CAMK4: variants seen among roughly 807,000 people sequenced by gnomAD.
CAMK4 encodes calcium/calmodulin-dependent protein kinase type IV.
CAMK4 carries 22 observed loss-of-function variants against 44.9 expected under a neutral mutation model. The ratio of observed to expected loss-of-function variants is 0.49; its 90% CI spans 0.35 to 0.70. The LOEUF is 0.70. Ranked by LOEUF, CAMK4 falls within the 30% of genes least tolerant of loss-of-function variation. The pLI is 0.01. For missense variants in CAMK4, 498 were observed against 586.8 expected (o/e 0.85, Z 1.56); for synonymous variants, 218 against 215.4 (o/e 1.01, Z -0.11).
At chr5:111,330,845 C>T (rs1294837081) in intron 1 of CAMK4, among the ~76,000 whole-genome samples, 1 of 151,668 alleles carries the variant, frequency 6.6e-6, no homozygotes, top group Non-Finnish European at 1.5e-5. Flanking sequence ...TGATTTTTGG[C>T]AAAAGTACTG....
chr5:111,252,162 G>A (rs997178423), intron 1 of CAMK4, among the ~76,000 whole-genome samples: 3 of 152,126 alleles, frequency 2.0e-5, no homozygotes, highest in Non-Finnish European at 4.4e-5. Context: ...TAAGTCTGTC[G>A]TCATACACTT....
At position 111,487,873 on chromosome 5, in the gene CAMK4, A is replaced by G. The variant is rs1350917560; in HGVS notation, c.*3407A>G. The G allele has an allele frequency of 6.6e-6, 1 of 152,190 alleles. No individual in the cohort carries two copies. The highest frequency in any genetic ancestry group is 2.4e-5 in the African/African-American group (1 of 41,448). 9.4% of individuals were successfully genotyped at this position (152,190 alleles called of 1,614,324 possible). On this transcript the variant is annotated 3_prime_UTR_variant, in exon 11 of 11. Transcript: ENST00000282356. ...AGGCCACAAAGAAAGTGTTTCAGAAATGTTACACACTGAGTAAAAGCTTAT... is the reference window on the plus strand; with the variant it reads ...AGGCCACAAAGAAAGTGTTTCAGAAGTGTTACACACTGAGTAAAAGCTTAT...
chr5:111,466,226 A>C (rs1754821987), intron 7 of CAMK4, among the ~76,000 whole-genome samples: 1 of 152,198 alleles, frequency 6.6e-6, no homozygotes, highest in South Asian at 2.1e-4. Context: ...ATCTATGACA[A>C]ACCCAAAGCT....
intron 1 of CAMK4, among the ~76,000 whole-genome samples, chr5:111,337,731 G>A (rs13355725): frequency 0.13 from 19,194 of 151,084 alleles, 2,262 homozygotes; most frequent in African/African-American, 0.3. Flanking sequence ...ATTGGCACTA[G>A]TAAGGTTCTG....
intron 1 of CAMK4, among the ~76,000 whole-genome samples, chr5:111,276,618 C>G (rs1050796698): frequency 6.6e-6 from 1 of 151,980 alleles, no homozygotes; most frequent in Non-Finnish European, 1.5e-5. Flanking sequence ...TTTATACTTT[C>G]TTGTTCACTT....
intron 2 of CAMK4, among the ~76,000 whole-genome samples, chr5:111,361,997 C>G (rs2112797509): frequency 6.6e-6 from 1 of 152,142 alleles, no homozygotes; most frequent in Admixed American, 6.6e-5. Flanking sequence ...AGTGCCTTCT[C>G]TGTTAAGAAT....
rs995769179 is a variant in CAMK4 at position 111,473,195 on chromosome 5, G to C, written c.626-116G>C. ...TACTGTGGTTTGGGGAGAGAAGATT[G>C]GTTATAAAACTGTTCAGAAATTGTT... is the stretch of plus-strand genomic sequence containing the variant. On this transcript the variant is annotated intron_variant, in intron 7 of 10. Coordinates refer to ENST00000282356, the MANE Select transcript of CAMK4 (RefSeq NM_001744.6). 61 of 757,664 alleles carry C rather than the reference G, an allele frequency of 8.1e-5. No individual in the cohort carries two copies. In the African/African-American group the frequency reaches 9.5e-4, roughly 12 times the overall value. The allele number at this position is 757,664 out of a possible 1,614,324, so 46.9% of individuals were successfully genotyped here.
At chr5:111,374,116 T>C (rs114811184) in intron 2 of CAMK4, among the ~76,000 whole-genome samples, 1,768 of 152,192 alleles carry the variant, frequency 0.012, 40 homozygotes, top group African/African-American at 0.04. Flanking sequence ...GCTCATATAA[T>C]TAGAAGTTCA....
rs890466587 is a variant in CAMK4 at position 111,488,854 on chromosome 5, T to C, written c.*4388T>C. 2 of 152,244 alleles carry C rather than the reference T, an allele frequency of 1.3e-5. No individual in the cohort carries two copies. The highest frequency in any genetic ancestry group is 4.8e-5 in the African/African-American group (2 of 41,468). The allele number at this position is 152,244 out of a possible 1,614,324, so 9.4% of individuals were successfully genotyped here. On this transcript the variant is annotated 3_prime_UTR_variant, in exon 11 of 11. Transcript: ENST00000282356. Reference sequence around the variant, plus strand: ...ATTAATCATAGTGCCATTATGTCACTTATTTGTCATTGCAAAGTATTCAGT... The same window carrying C: ...ATTAATCATAGTGCCATTATGTCACCTATTTGTCATTGCAAAGTATTCAGT...
chr5:111,384,332 G>A (rs576509737), intron 4 of CAMK4, among the ~76,000 whole-genome samples: 9 of 152,080 alleles, frequency 5.9e-5, no homozygotes, highest in East Asian at 1.9e-4. Context: ...CTTGGCTTTC[G>A]TCCAACTTTT....
rs1167401277 is a variant in CAMK4 at position 111,255,122 on chromosome 5, G to C, written c.161+30478G>C. Among the ~76,000 whole-genome samples the C allele has an allele frequency of 3.3e-5, 5 of 152,070 alleles. No homozygotes were observed. The South Asian group carries it at 1.0e-3, about 32-fold the overall frequency. Reference sequence around the variant, plus strand: ...ACTGGGCTGTGTATCAAAATTCCCTGGTGTAATTGAAGTACATTTCTGATG... The same window carrying C: ...ACTGGGCTGTGTATCAAAATTCCCTCGTGTAATTGAAGTACATTTCTGATG... On this transcript the variant is annotated intron_variant, in intron 1 of 10. Coordinates refer to ENST00000282356, the MANE Select transcript of CAMK4 (RefSeq NM_001744.6).
chr5:111,345,970 TGA>T (rs1185190455), intron 2 of CAMK4, among the ~76,000 whole-genome samples: 2 of 151,904 alleles, frequency 1.3e-5, no homozygotes, highest in African/African-American at 4.8e-5. Flanking sequence ...CCAAATGGAA[TGA>T]GAGAAAATGC....
At chr5:111,375,040 C>T (rs1021063354) in intron 3 of CAMK4, 128 bp downstream of exon 3, 1 of 656,648 alleles carries the variant, frequency 1.5e-6, no homozygotes, top group African/African-American at 1.8e-5. Context: ...TGTGCTAGCT[C>T]TTGTCCTCAT....
chr5:111,247,432 GA>G (rs1272946709), intron 1 of CAMK4, among the ~76,000 whole-genome samples: 27 of 146,772 alleles, frequency 1.8e-4, no homozygotes, highest in African/African-American at 7.4e-5. Flanking sequence ...TATACTTATA[GA>G]TACATAAATT....
Position 111,489,561 on chromosome 5 carries a change from C to T in CAMK4, c.*5095C>T, listed in dbSNP as rs1222393961. The T allele has an allele frequency of 6.6e-6, 1 of 152,162 alleles. No individual in the cohort carries two copies. Among genetic ancestry groups the T allele is most frequent in the Non-Finnish European group, 1.5e-5 (1 of 68,042 alleles). 9.4% of individuals were successfully genotyped at this position (152,162 alleles called of 1,614,324 possible). On this transcript the variant is annotated 3_prime_UTR_variant, in exon 11 of 11. Coordinates refer to ENST00000282356, the MANE Select transcript of CAMK4 (RefSeq NM_001744.6). Reference sequence around the variant, plus strand: ...GTGTGATACTAACTTCCTTCAAGAACTCAGTCTGTTCCCTGTTGTCTGGTT... The same window carrying T: ...GTGTGATACTAACTTCCTTCAAGAATTCAGTCTGTTCCCTGTTGTCTGGTT...
chr5:111,252,256 ACT>A (rs1561363478), intron 1 of CAMK4, among the ~76,000 whole-genome samples: 1 of 151,964 alleles, frequency 6.6e-6, no homozygotes. Flanking sequence ...TTGAGTGGGG[ACT>A]CTGATTGTTG....
chr5:111,459,726 G>T (rs1156311888), intron 7 of CAMK4, among the ~76,000 whole-genome samples: 1 of 119,506 alleles, frequency 8.4e-6, no homozygotes, highest in Non-Finnish European at 1.6e-5. Context: ...ACGGAGCCTC[G>T]CTGTGTCACC....
At chr5:111,229,185 A>C in intron 1 of CAMK4, among the ~76,000 whole-genome samples, 1 of 152,210 alleles carries the variant, frequency 6.6e-6, no homozygotes, top group East Asian at 1.9e-4. Context: ...TTAAACAATA[A>C]ATATGCATTT....
intron 7 of CAMK4, among the ~76,000 whole-genome samples, chr5:111,467,979 T>C (rs1431890140): frequency 8.0e-6 from 1 of 124,586 alleles, no homozygotes; most frequent in Middle Eastern, 4.0e-3. Flanking sequence ...CACCATGGAA[T>C]ACTACTCAGC....
Sources: gnomAD v4.1 joint callset for allele counts (sites outside exome capture counted in the v4.1 genomes callset) on GRCh38, gnomAD v4.1.1 for gene constraint, MANE v1.5 for transcripts, NCBI Gene and HGNC (gene_info 2026-07-23, HGNC 2026-07-21) for gene names.